Variants in RNF170 observed in about 807,000 individuals in gnomAD.
RNF170 encodes E3 ubiquitin-protein ligase RNF170.
RNF170 carries 12 observed loss-of-function variants against 32.7 expected under a neutral mutation model. That is an observed-to-expected ratio of 0.37 (90% CI 0.24 to 0.60). The LOEUF (loss-of-function observed/expected upper bound fraction) is 0.60. Among genes scored for constraint, RNF170 ranks in the 20% least tolerant of loss-of-function variants. The pLI is 0.72. For missense variants in RNF170, 212 were observed against 311.2 expected (o/e 0.68, Z 2.40); for synonymous variants, 91 against 103.6 (o/e 0.88, Z 0.74).
chr8:42,859,291 G>A (rs1241265659), intron 6 of RNF170, among the ~76,000 whole-genome samples: 1 of 152,190 alleles, frequency 6.6e-6, no homozygotes, highest in Non-Finnish European at 1.5e-5. Flanking sequence ...TGTGGTTGCC[G>A]TGAGCAGAGA....
chr8:42,888,592 G>A (rs1383557515), intron 1 of RNF170, among the ~76,000 whole-genome samples: 9 of 151,550 alleles, frequency 5.9e-5, no homozygotes, highest in African/African-American at 2.2e-4. Context: ...GTGAAACCCC[G>A]TCTCTACTAA....
chr8:42,876,735 A>G (rs1439414513), intron 2 of RNF170, among the ~76,000 whole-genome samples: 2 of 149,270 alleles, frequency 1.3e-5, no homozygotes, highest in Non-Finnish European at 3.0e-5. Flanking sequence ...ACTCAGCTCA[A>G]TGCAACCTCT....
In RNF170 at chr8:42,876,223, T is replaced by A. The variant is rs147550168; in HGVS notation, c.138-2217A>T. ...ATCTGGTGGTAGAATATTTAATATA[T>A]ATTTTAAAAATATATTTAAATAGAA... is the stretch of plus-strand genomic sequence containing the variant. On this transcript the variant is annotated intron_variant, in intron 2 of 6. Coordinates refer to ENST00000527424, the MANE Select transcript of RNF170 (RefSeq NM_030954.4). 3.4e-3 allele frequency among the ~76,000 whole-genome samples: 502 copies of A among 149,752 alleles called. 3 individuals carry two copies. Among genetic ancestry groups the A allele is most frequent in the South Asian group, 0.011 (52 of 4,808 alleles).
chr8:42,894,564 T>C (rs1264974841), intron 1 of RNF170, among the ~76,000 whole-genome samples: 2 of 152,088 alleles, frequency 1.3e-5, no homozygotes, highest in Non-Finnish European at 2.9e-5. Flanking sequence ...GACACACATG[T>C]GTAATTTTTT....
chr8:42,887,902 C>G, intron 1 of RNF170, 31 bp from the exon 2 acceptor site: 1 of 1,588,280 alleles, frequency 6.3e-7, no homozygotes, highest in Non-Finnish European at 8.6e-7. Flanking sequence ...ATGAGAGTTA[C>G]AAATGACACA....
rs1803036646 is a variant in RNF170, at chr8:42,853,803, C to T, written c.*2356G>A. The stretch of plus-strand genomic sequence containing the variant: ...TAAAGTTCTGAGATGTTAGCACATA[C>T]CCTTTTCACAATTTAGGAAGCTTTA... On this transcript the variant is annotated 3_prime_UTR_variant, in exon 7 of 7. Coordinates refer to ENST00000527424, the MANE Select transcript of RNF170 (RefSeq NM_030954.4). 1.6e-6 allele frequency: 2 copies of T among 1,287,006 alleles called. No individual in the cohort carries two copies. Among genetic ancestry groups the T allele is most frequent in the African/African-American group, 1.5e-5 (1 of 65,772 alleles). 79.7% of individuals were successfully genotyped at this position (1,287,006 alleles called of 1,614,324 possible). A position where few individuals can be genotyped will look rare whatever the true frequency, so the allele number is the denominator to read the frequency against.
In RNF170 at chr8:42,873,293, C is replaced by CAA. The variant is rs397891337; in HGVS notation, c.213+636_213+637dup. Among the ~76,000 whole-genome samples the CAA allele has an allele frequency of 4.1e-3, 288 of 70,014 alleles. 1 individual carries two copies. Among genetic ancestry groups the CAA allele is most frequent in the African/African-American group, 8.1e-3 (162 of 19,906 alleles). 45.9% of individuals were successfully genotyped at this position (70,014 alleles called of 152,430 possible). A position where few individuals can be genotyped will look rare whatever the true frequency, so the allele number is the denominator to read the frequency against. ...ATAGTGAGACCCTGTCTCTTTTTTA[C>CAA]AAAAAAAAAAAAAAACGCTTATTGG... On this transcript the variant is annotated intron_variant, in intron 3 of 6. Coordinates refer to ENST00000527424, the MANE Select transcript of RNF170 (RefSeq NM_030954.4).
At chr8:42,856,552 C>T in intron 6 of RNF170, 124 bp from the exon 7 acceptor site, 1 of 690,754 alleles carries the variant, frequency 1.4e-6, no homozygotes, top group Admixed American at 2.8e-5. Context: ...ATTAATTGAA[C>T]ATATTTTCTA....
chr8:42,870,321 C>T (rs1804431485), intron 3 of RNF170, among the ~76,000 whole-genome samples: 1 of 152,172 alleles, frequency 6.6e-6, no homozygotes, highest in African/African-American at 2.4e-5. Context: ...CCTTCCTAAA[C>T]ACAATTTAAA....
chr8:42,862,728 A>G (rs1196567887), intron 5 of RNF170, among the ~76,000 whole-genome samples: 1 of 152,244 alleles, frequency 6.6e-6, no homozygotes, highest in Non-Finnish European at 1.5e-5. Context: ...CAGCAGGTGC[A>G]GCCATCACTT....
intron 4 of RNF170, 87 bp downstream of exon 4, chr8:42,869,917 A>C (rs1298041476): frequency 5.5e-6 from 5 of 907,458 alleles, no homozygotes; most frequent in African/African-American, 1.6e-5. Context: ...AAATGTGACA[A>C]AGAGAAAATT....
At position 42,888,952 on chromosome 8, in the gene RNF170, T is replaced by C. The variant is rs182992530; in HGVS notation, c.-7-1081A>G. On this transcript the variant is annotated intron_variant, in intron 1 of 6. Transcript: ENST00000527424. ...GATAGGAAAGGAAATATATTATAGT[T>C]TTCTGTAAGCATTCTCATATTCTCT... Among the ~76,000 whole-genome samples the C allele has an allele frequency of 2.3e-3, 352 of 152,330 alleles. 2 individuals are homozygous for C. The highest frequency in any genetic ancestry group is 8.1e-3 in the African/African-American group (335 of 41,572).
At position 42,855,985 on chromosome 8, in the gene RNF170, A is replaced by T; in HGVS notation, c.*174T>A. ...TAATATTAGAACTTCAAACATGAAA[A>T]TTCCAGTTATACCTAGGTATTTGTC... On this transcript the variant is annotated 3_prime_UTR_variant, in exon 7 of 7. Coordinates refer to ENST00000527424, the MANE Select transcript of RNF170 (RefSeq NM_030954.4). 2.0e-6 allele frequency: 3 copies of T among 1,467,620 alleles called. No individual in the cohort carries two copies. Among genetic ancestry groups the T allele is most frequent in the Non-Finnish European group, 2.7e-6 (3 of 1,099,682 alleles). 90.9% of individuals were successfully genotyped at this position (1,467,620 alleles called of 1,614,324 possible).
chr8:42,871,273 T>C (rs551230289), intron 3 of RNF170, among the ~76,000 whole-genome samples: 14 of 152,280 alleles, frequency 9.2e-5, no homozygotes, highest in Admixed American at 8.5e-4. Context: ...TTATCAAAAC[T>C]TGTTTTAATG....
chr8:42,854,200 T>A lies in RNF170; in HGVS notation c.*1959A>T, dbSNP rs1454539749. 1 of 1,287,162 alleles carries A rather than the reference T, an allele frequency of 7.8e-7. No individual in the cohort carries two copies. Among genetic ancestry groups the A allele is most frequent in the East Asian group, 5.5e-5 (1 of 18,022 alleles). 79.7% of individuals were successfully genotyped at this position (1,287,162 alleles called of 1,614,324 possible). A position where few individuals can be genotyped will look rare whatever the true frequency, so the allele number is the denominator to read the frequency against. On this transcript the variant is annotated 3_prime_UTR_variant, in exon 7 of 7. Coordinates refer to ENST00000527424, the MANE Select transcript of RNF170 (RefSeq NM_030954.4). ...CTCCACAGACCTTTCCTCTTAGGAGTGCCTAAGCTGTCTTACTCTGATGGA... is the reference window on the plus strand; with the variant it reads ...CTCCACAGACCTTTCCTCTTAGGAGAGCCTAAGCTGTCTTACTCTGATGGA...
chr8:42,891,524 T>G (rs1254232470), intron 1 of RNF170, among the ~76,000 whole-genome samples: 1 of 152,218 alleles, frequency 6.6e-6, no homozygotes, highest in Non-Finnish European at 1.5e-5. Context: ...AAAACGCACC[T>G]TGACTAATCA....
chr8:42,877,926 C>T lies in RNF170; in HGVS notation c.138-3920G>A, dbSNP rs77607964. On this transcript the variant is annotated intron_variant, in intron 2 of 6. Transcript: ENST00000527424. ...ACTTTATTGCACTTAGCAGATATTG[C>T]GTTTTTTACAAACTGAAGGTTGTGA... Among the ~76,000 whole-genome samples, 55 of 152,256 alleles carry T rather than the reference C, an allele frequency of 3.6e-4. No individual in the cohort carries two copies. The East Asian group carries it at 8.7e-3, about 24-fold the overall frequency.
At chr8:42,875,208 G>C (rs1348148800) in intron 2 of RNF170, among the ~76,000 whole-genome samples, 1 of 151,794 alleles carries the variant, frequency 6.6e-6, no homozygotes, top group Non-Finnish European at 1.5e-5. Context: ...TGGTCAGGCT[G>C]GTAGGTGGGG....
chr8:42,856,151 T>G lies in RNF170; in HGVS notation c.*8A>C, dbSNP rs747912611. On this transcript the variant is annotated 3_prime_UTR_variant, in exon 7 of 7. Coordinates refer to ENST00000527424, the MANE Select transcript of RNF170 (RefSeq NM_030954.4). ...GATATCCTAGTAAACTCAGTTTTGTTTTCTTTTTCATCTAGTTAGCCTTTG... is the reference window on the plus strand; with the variant it reads ...GATATCCTAGTAAACTCAGTTTTGTGTTCTTTTTCATCTAGTTAGCCTTTG... The G allele has an allele frequency of 6.2e-7, 1 of 1,612,508 alleles. No individual in the cohort carries two copies. The highest frequency in any genetic ancestry group is 1.1e-5 in the South Asian group (1 of 90,736).
Sources: gnomAD v4.1 joint callset for allele counts (sites outside exome capture counted in the v4.1 genomes callset) on GRCh38, gnomAD v4.1.1 for gene constraint, MANE v1.5 for transcripts, NCBI Gene and HGNC (gene_info 2026-07-23, HGNC 2026-07-21) for gene names.